The following CLSTN2 variants were observed in gnomAD, a reference collection of about 807,000 sequenced individuals.
CLSTN2 encodes the protein calsyntenin-2.
Under a neutral mutation model 101.2 loss-of-function variants are expected in CLSTN2, and 48 were observed. The observed-to-expected ratio is 0.47, with a 90% CI of 0.38 to 0.60. The LOEUF is 0.60. Ranked by LOEUF, CLSTN2 falls within the 20% of genes least tolerant of loss-of-function variation. The pLI is 0.00. For synonymous variants in CLSTN2, 481 were observed against 463.6 expected, an observed-to-expected ratio of 1.04 and a Z score of -0.48; for missense variants, 1,160 against 1,238.2, an observed-to-expected ratio of 0.94 and a Z score of 0.95.
chr3:140,480,171 C>T (rs1934082712), intron 8 of CLSTN2, among the ~76,000 whole-genome samples: 2 of 151,704 alleles, frequency 1.3e-5, no homozygotes, highest in South Asian at 4.2e-4. Context: ...GTTCAGTTCC[C>T]ACCTATGGGT....
At chr3:140,365,615 G>A (rs1000093701) in intron 2 of CLSTN2, among the ~76,000 whole-genome samples, 10 of 151,950 alleles carry the variant, frequency 6.6e-5, no homozygotes, top group Admixed American at 3.9e-4. Context: ...GAGAGGTGAG[G>A]GGACTTAAGG....
intron 1 of CLSTN2, among the ~76,000 whole-genome samples, chr3:140,007,972 G>A (rs1576395097): frequency 6.6e-6 from 1 of 152,162 alleles, no homozygotes; most frequent in East Asian, 1.9e-4. Flanking sequence ...CTTTAGATTT[G>A]CTGTTTTATG....
At chr3:140,493,609 A>G (rs1934392685) in intron 8 of CLSTN2, among the ~76,000 whole-genome samples, 1 of 152,198 alleles carries the variant, frequency 6.6e-6, no homozygotes, top group South Asian at 2.1e-4. Context: ...CTATCATGTC[A>G]GGGGCTGGAC....
intron 10 of CLSTN2, among the ~76,000 whole-genome samples, chr3:140,554,408 A>AAGAT (rs1237910165): frequency 1.3e-5 from 2 of 152,216 alleles, no homozygotes; most frequent in African/African-American, 4.8e-5. Flanking sequence ...AACCTATGAA[A>AAGAT]AGATATACTC....
At chr3:140,061,791 G>T (rs2008209771) in intron 1 of CLSTN2, among the ~76,000 whole-genome samples, 1 of 152,206 alleles carries the variant, frequency 6.6e-6, no homozygotes, top group Non-Finnish European at 1.5e-5. Context: ...TCTTGCCATA[G>T]TGCCTTTGCA....
chr3:140,018,843 A>G (rs1330010610), intron 1 of CLSTN2, among the ~76,000 whole-genome samples: 6 of 152,214 alleles, frequency 3.9e-5, no homozygotes, highest in Non-Finnish European at 8.8e-5. Flanking sequence ...ATTGGTAGAT[A>G]CTGCATTGTA....
At chr3:140,427,207 GTATA>G (rs1301184422) in intron 5 of CLSTN2, among the ~76,000 whole-genome samples, 2 of 84,986 alleles carry the variant, frequency 2.4e-5, no homozygotes, top group Non-Finnish European at 4.0e-5. Context: ...ATATATATGT[GTATA>G]TATATATATA....
intron 1 of CLSTN2, among the ~76,000 whole-genome samples, chr3:140,023,931 C>G (rs1201433652): frequency 6.6e-6 from 1 of 152,220 alleles, no homozygotes; most frequent in African/African-American, 2.4e-5. Flanking sequence ...CACTGCCTCC[C>G]TCTGCCCTGT....
At chr3:140,313,836 C>T (rs1344310422) in intron 2 of CLSTN2, among the ~76,000 whole-genome samples, 4 of 152,166 alleles carry the variant, frequency 2.6e-5, no homozygotes, top group Non-Finnish European at 5.9e-5. Flanking sequence ...TTGCCTCAGG[C>T]CTTTGGGAAG....
At chr3:140,101,154 G>C (rs575597235) in intron 1 of CLSTN2, among the ~76,000 whole-genome samples, 81 of 152,156 alleles carry the variant, frequency 5.3e-4, no homozygotes, top group Non-Finnish European at 1.0e-3. Flanking sequence ...ACTTTATTAG[G>C]ATTTGTATAA....
intron 2 of CLSTN2, among the ~76,000 whole-genome samples, chr3:140,242,797 A>G (rs971578599): frequency 6.6e-6 from 1 of 152,150 alleles, no homozygotes; most frequent in Non-Finnish European, 1.5e-5. Flanking sequence ...TCTGGAGGAA[A>G]AGTGCTCACT....
rs147702419 is a variant in CLSTN2 at position 140,567,763 on chromosome 3, G to A, written c.*1510G>A. The A allele has an allele frequency of 6.6e-6, 1 of 152,148 alleles. No individual in the cohort carries two copies. Among genetic ancestry groups the A allele is most frequent in the Non-Finnish European group, 1.5e-5 (1 of 68,044 alleles). The allele number at this position is 152,148 out of a possible 1,614,324, so 9.4% of individuals were successfully genotyped here. A position where few individuals can be genotyped will look rare whatever the true frequency, so the allele number is the denominator to read the frequency against. On this transcript the variant is annotated 3_prime_UTR_variant, in exon 17 of 17. Transcript: ENST00000458420. ...TTGGTTTGGCACAGGCACAGAGCTG[G>A]TCCCTAGTTAAGTGGCATTTATGTT...
chr3:140,484,310 G>A (rs1328948021), intron 8 of CLSTN2, among the ~76,000 whole-genome samples: 2 of 152,210 alleles, frequency 1.3e-5, no homozygotes, highest in Non-Finnish European at 2.9e-5. Context: ...CTTCTGGCTT[G>A]TAGAGTTTCT....
At chr3:140,407,055 C>A (rs1299726243) in intron 4 of CLSTN2, among the ~76,000 whole-genome samples, 10 of 152,206 alleles carry the variant, frequency 6.6e-5, no homozygotes. Context: ...AATGGGCCCT[C>A]TCAGGGAGTG....
At chr3:140,480,404 A>G (rs1576591059) in intron 8 of CLSTN2, among the ~76,000 whole-genome samples, 1 of 152,294 alleles carries the variant, frequency 6.6e-6, no homozygotes, top group East Asian at 1.9e-4. Context: ...CGCAATAAAC[A>G]TACATGTGCA....
In CLSTN2 at chr3:140,355,873, G is replaced by A. The variant is rs545408013; in HGVS notation, c.233-47756G>A. On this transcript the variant is annotated intron_variant, in intron 2 of 16. Coordinates refer to ENST00000458420, the MANE Select transcript of CLSTN2 (RefSeq NM_022131.3). Reference sequence around the variant, plus strand: ...GGGCTGCATTTATTTTTCAGTAGGCGAGCATGTGCTTTTTGCCTTCTAAAA... The same window carrying A: ...GGGCTGCATTTATTTTTCAGTAGGCAAGCATGTGCTTTTTGCCTTCTAAAA... Among the ~76,000 whole-genome samples the A allele has an allele frequency of 1.6e-4, 24 of 152,330 alleles. No homozygotes were observed. The East Asian group carries it at 4.4e-3, about 28-fold the overall frequency.
At chr3:140,115,669 T>C (rs572690067) in intron 1 of CLSTN2, among the ~76,000 whole-genome samples, 1 of 152,302 alleles carries the variant, frequency 6.6e-6, no homozygotes, top group East Asian at 1.9e-4. Flanking sequence ...TGACATTCTT[T>C]TCATGTGAAA....
At chr3:140,053,470 C>T (rs573972469) in intron 1 of CLSTN2, among the ~76,000 whole-genome samples, 24 of 152,214 alleles carry the variant, frequency 1.6e-4, no homozygotes, top group African/African-American at 4.1e-4. Context: ...TCATTGGGCA[C>T]GATTAACAAA....
chr3:140,498,317 G>A (rs973183370), intron 8 of CLSTN2, among the ~76,000 whole-genome samples: 3 of 152,156 alleles, frequency 2.0e-5, no homozygotes, highest in Admixed American at 2.0e-4. Context: ...CATGAATTCT[G>A]CCACTCTTCA....
Sources: gnomAD v4.1 joint callset for allele counts (sites outside exome capture counted in the v4.1 genomes callset) on GRCh38, gnomAD v4.1.1 for gene constraint, MANE v1.5 for transcripts, NCBI Gene and HGNC (gene_info 2026-07-23, HGNC 2026-07-21) for gene names.